Variants in PIK3C2G observed in about 807,000 individuals in gnomAD.
PIK3C2G encodes the protein phosphatidylinositol 3-kinase C2 domain-containing subunit gamma.
Under a neutral mutation model 181.1 loss-of-function variants are expected in PIK3C2G, and 168 were observed. The ratio of observed to expected loss-of-function variants is 0.93; its 90% CI spans 0.82 to 1.05. The LOEUF (loss-of-function observed/expected upper bound fraction) is 1.05. Ranked by LOEUF, PIK3C2G falls within the 50% of genes least tolerant of loss-of-function variation. The pLI is 0.00. For missense variants in PIK3C2G, 1,869 were observed against 1,732.8 expected (o/e 1.08, Z -1.40); for synonymous variants, 573 against 592.2 (o/e 0.97, Z 0.47).
At chr12:18,540,165 G>A (rs1944075583) in intron 25 of PIK3C2G, among the ~76,000 whole-genome samples, 2 of 151,696 alleles carry the variant, frequency 1.3e-5, no homozygotes. Context: ...AAATTGCAAG[G>A]ATACATTAAC....
At chr12:18,562,312 T>C (rs1009757482) in intron 26 of PIK3C2G, among the ~76,000 whole-genome samples, 1 of 152,148 alleles carries the variant, frequency 6.6e-6, no homozygotes, top group Non-Finnish European at 1.5e-5. Flanking sequence ...TTTTGTATTT[T>C]TAGTAGAAAC....
chr12:18,546,242 G>A (rs1286790420), intron 25 of PIK3C2G, 81 bp from the exon 26 acceptor site: 14 of 846,674 alleles, frequency 1.7e-5, no homozygotes, highest in Non-Finnish European at 2.5e-5. Flanking sequence ...ATGTCTCTGG[G>A]TAGAATTAAT....
chr12:18,696,854 T>C, the PIK3C2G span, among the ~76,000 whole-genome samples: 5 of 152,162 alleles, frequency 3.3e-5, no homozygotes, highest in Non-Finnish European at 5.9e-5. Context: ...CATGTCTCCA[T>C]TGAAAAACTT....
intron 11 of PIK3C2G, among the ~76,000 whole-genome samples, chr12:18,349,606 T>A (rs1205122877): frequency 6.6e-6 from 1 of 152,204 alleles, no homozygotes; most frequent in Non-Finnish European, 1.5e-5. Context: ...AACTCATTCA[T>A]ATTTATCCTA....
intron 32 of PIK3C2G, among the ~76,000 whole-genome samples, chr12:18,644,757 C>T (rs1413432007): frequency 6.6e-6 from 1 of 152,180 alleles, no homozygotes; most frequent in Non-Finnish European, 1.5e-5. Context: ...GGTTACCGCA[C>T]TACACTATGC....
chr12:18,429,351 T>C (rs1330651076), intron 18 of PIK3C2G, among the ~76,000 whole-genome samples: 1 of 152,158 alleles, frequency 6.6e-6, no homozygotes, highest in Non-Finnish European at 1.5e-5. Context: ...TGAGAATACA[T>C]TTCTGTTATC....
At chr12:18,712,765 A>T in the PIK3C2G span, 16 of 1,521,098 alleles carry the variant, frequency 1.1e-5, no homozygotes, top group African/African-American at 1.4e-5. Flanking sequence ...AAGGCTAAGC[A>T]TTATAGGATT....
chr12:18,719,602 CCTT>C, the PIK3C2G span: 1 of 1,603,484 alleles, frequency 6.2e-7, no homozygotes, highest in Non-Finnish European at 8.5e-7. Context: ...TCTTGTAAAA[CCTT>C]CTAATGACAT....
intron 13 of PIK3C2G, among the ~76,000 whole-genome samples, chr12:18,380,346 A>T (rs1942754490): frequency 6.6e-6 from 1 of 152,076 alleles, no homozygotes; most frequent in Admixed American, 6.6e-5. Flanking sequence ...ATGCACAGAA[A>T]CATTTTCTCT....
rs568897739 is a variant in PIK3C2G, at chr12:18,570,214, C to CT, written c.4011+3170dup. Among the ~76,000 whole-genome samples, 1,237 of 144,420 alleles carry CT rather than the reference C, an allele frequency of 8.6e-3. 12 individuals carry two copies. Among genetic ancestry groups the CT allele is most frequent in the African/African-American group, 0.028 (1,097 of 38,942 alleles). The allele number at this position is 144,420 out of a possible 152,430, so 94.7% of individuals were successfully genotyped here. A position where few individuals can be genotyped will look rare whatever the true frequency, so the allele number is the denominator to read the frequency against. The stretch of plus-strand genomic sequence containing the variant: ...TCTTTATCCATAAATAAAATGCACA[C>CT]TTTTTTTTTTTTTGAGATGGAGTTT... On this transcript the variant is annotated intron_variant, in intron 29 of 32. Transcript: ENST00000538779.
At chr12:18,495,269 T>C (rs1355152238) in intron 20 of PIK3C2G, among the ~76,000 whole-genome samples, 1 of 151,980 alleles carries the variant, frequency 6.6e-6, no homozygotes, top group Non-Finnish European at 1.5e-5. Flanking sequence ...CCTAAAGACA[T>C]ACAGCTTTTC....
At chr12:18,657,310 C>T in the PIK3C2G span, among the ~76,000 whole-genome samples, 612 of 152,176 alleles carry the variant, frequency 4.0e-3, 1 homozygote, top group African/African-American at 0.014. Flanking sequence ...CCACAAATAC[C>T]TGGGATTTAG....
intron 31 of PIK3C2G, among the ~76,000 whole-genome samples, chr12:18,612,004 A>ATAT (rs1948365032): frequency 6.6e-6 from 1 of 152,078 alleles, no homozygotes; most frequent in Non-Finnish European, 1.5e-5. Flanking sequence ...TTGCGGAAGG[A>ATAT]GTCTTATATC....
intron 1 of PIK3C2G, 99 bp from the exon 2 acceptor site, chr12:18,281,905 C>G: frequency 1.8e-6 from 1 of 548,144 alleles, no homozygotes. Context: ...AAAAAAAAGC[C>G]CACAAAACAG....
intron 18 of PIK3C2G, among the ~76,000 whole-genome samples, chr12:18,460,949 G>C (rs913871558): frequency 6.6e-6 from 1 of 151,966 alleles, no homozygotes; most frequent in Non-Finnish European, 1.5e-5. Flanking sequence ...CTAGTTTACT[G>C]TAAGGATCAA....
At chr12:18,303,476 C>T (rs1483748283) in intron 5 of PIK3C2G, among the ~76,000 whole-genome samples, 1 of 152,034 alleles carries the variant, frequency 6.6e-6, no homozygotes, top group Non-Finnish European at 1.5e-5. Flanking sequence ...GCTGGGATTA[C>T]AGGCACGCAC....
the PIK3C2G span, among the ~76,000 whole-genome samples, chr12:18,661,016 C>A: frequency 6.6e-6 from 1 of 151,880 alleles, no homozygotes; most frequent in South Asian, 2.1e-4. Flanking sequence ...CAACTGAAGA[C>A]AAAAATTCAC....
intron 16 of PIK3C2G, among the ~76,000 whole-genome samples, chr12:18,402,638 T>C (rs1334208197): frequency 1.3e-5 from 2 of 152,160 alleles, no homozygotes; most frequent in East Asian, 3.9e-4. Flanking sequence ...AGTTTAAAGT[T>C]CATGGAATAT....
At chr12:18,370,667 T>G (rs1454033618) in intron 12 of PIK3C2G, among the ~76,000 whole-genome samples, 1 of 152,190 alleles carries the variant, frequency 6.6e-6, no homozygotes, top group Non-Finnish European at 1.5e-5. Flanking sequence ...CCCTATCAAC[T>G]TGACTTCATC....
Sources: allele counts gnomAD v4.1 joint callset (sites outside exome capture counted in the v4.1 genomes callset), GRCh38; gene constraint gnomAD v4.1.1; transcripts MANE v1.5; gene names NCBI Gene and HGNC (gene_info 2026-07-23, HGNC 2026-07-21).